OTUD7A: variants seen among roughly 807,000 people sequenced by gnomAD.
OTUD7A encodes the protein OTU domain-containing protein 7A.
Under a neutral mutation model 65.7 loss-of-function variants are expected in OTUD7A, and 12 were observed. The ratio of observed to expected loss-of-function variants is 0.18; its 90% CI spans 0.12 to 0.30. The LOEUF is 0.30. Among genes scored for constraint, OTUD7A ranks in the 10% least tolerant of loss-of-function variants. The pLI, the probability that OTUD7A is intolerant of heterozygous loss-of-function variation, is 1.00. For synonymous variants in OTUD7A, 641 were observed against 586.3 expected (o/e 1.09, Z -1.35); for missense variants, 1,148 against 1,304.8 (o/e 0.88, Z 1.85).
chr15:31,541,663 A>C (rs1342542350), intron 5 of OTUD7A, among the ~76,000 whole-genome samples: 1 of 152,214 alleles, frequency 6.6e-6, no homozygotes, highest in African/African-American at 2.4e-5. Flanking sequence ...ACCGGAAATA[A>C]ATATGGGATG....
chr15:31,802,141 G>GTGTGTGTGTATATA (rs553698632), intron 1 of OTUD7A, among the ~76,000 whole-genome samples: 35 of 142,578 alleles, frequency 2.5e-4, no homozygotes, highest in South Asian at 7.0e-4. Context: ...GTGTGTGTGT[G>GTGTGTGTGTATATA]TATATATATA....
chr15:31,727,347 A>G (rs1480613218), intron 1 of OTUD7A, among the ~76,000 whole-genome samples: 1 of 152,202 alleles, frequency 6.6e-6, no homozygotes, highest in Non-Finnish European at 1.5e-5. Flanking sequence ...CTCCCACAGT[A>G]CCAGCCCAGG....
At chr15:31,668,578 C>T (rs1892392356) in intron 1 of OTUD7A, among the ~76,000 whole-genome samples, 1 of 152,154 alleles carries the variant, frequency 6.6e-6, no homozygotes, top group Non-Finnish European at 1.5e-5. Flanking sequence ...GATTTCCTCA[C>T]ATTGGGCTTT....
At chr15:31,518,365 C>T (rs1324158659) in intron 8 of OTUD7A, among the ~76,000 whole-genome samples, 3 of 151,788 alleles carry the variant, frequency 2.0e-5, no homozygotes, top group Admixed American at 6.6e-5. Context: ...CCCAGCTACT[C>T]GGGAGGCTGA....
In OTUD7A at chr15:31,509,777, TTTTTTATAAC is replaced by T. The variant is rs2041651169; in HGVS notation, c.894-5969_894-5960del. Among the ~76,000 whole-genome samples, 10 of 152,056 alleles carry T rather than the reference TTTTTTATAAC, an allele frequency of 6.6e-5. 1 individual carries two copies. In the South Asian group the frequency reaches 2.1e-3, roughly 32 times the overall value. ...TTACGTAATATTTTTTGCATAAATT[TTTTTTATAAC>T]TTTTTATGACTTTTATAGACAATTT... On this transcript the variant is annotated intron_variant, in intron 8 of 12. Transcript: ENST00000307050.
chr15:31,849,366 C>G (rs1439827803), intron 1 of OTUD7A, among the ~76,000 whole-genome samples: 1 of 152,200 alleles, frequency 6.6e-6, no homozygotes, highest in Non-Finnish European at 1.5e-5. Flanking sequence ...AAAGCTGAAA[C>G]TGGATACCTT....
intron 8 of OTUD7A, among the ~76,000 whole-genome samples, chr15:31,514,545 C>T (rs545542687): frequency 2.0e-5 from 3 of 152,334 alleles, no homozygotes; most frequent in Non-Finnish European, 4.4e-5. Context: ...TCCAATCCAA[C>T]CCCACAAAGT....
chr15:31,673,513 T>A (rs1375167171), intron 1 of OTUD7A, among the ~76,000 whole-genome samples: 7 of 152,230 alleles, frequency 4.6e-5, no homozygotes, highest in Admixed American at 6.5e-5. Flanking sequence ...GACTGACAAT[T>A]CTAAACCCTC....
chr15:31,496,187 T>C (rs1009177819), intron 10 of OTUD7A, among the ~76,000 whole-genome samples: 3 of 152,060 alleles, frequency 2.0e-5, no homozygotes, highest in Non-Finnish European at 4.4e-5. Context: ...TTCAGATAGG[T>C]ACACAAATAG....
At chr15:31,813,617 C>T (rs974333543) in intron 1 of OTUD7A, among the ~76,000 whole-genome samples, 1 of 152,156 alleles carries the variant, frequency 6.6e-6, no homozygotes, top group South Asian at 2.1e-4. Flanking sequence ...CTTCTCAGAG[C>T]CTTTGACATG....
intron 1 of OTUD7A, among the ~76,000 whole-genome samples, chr15:31,802,141 G>GTGTGTGTGTGTATATA (rs553698632): frequency 1.4e-5 from 2 of 142,580 alleles, no homozygotes; most frequent in South Asian, 2.3e-4. Flanking sequence ...GTGTGTGTGT[G>GTGTGTGTGTGTATATA]TATATATATA....
At position 31,483,991 on chromosome 15, in the gene OTUD7A, G is replaced by A; in HGVS notation, c.2105C>T (p.Pro702Leu). 1 of 1,128,428 alleles carries A rather than the reference G, an allele frequency of 8.9e-7. No homozygotes were observed. Among genetic ancestry groups the A allele is most frequent in the Non-Finnish European group, 1.1e-6 (1 of 926,666 alleles). 69.9% of individuals were successfully genotyped at this position (1,128,428 alleles called of 1,614,324 possible). The change falls in exon 13 of 13, where the codon CCG becomes CTG. Residue 702 changes from proline (P) to leucine (L), a missense_variant. Transcript: ENST00000307050. The stretch of plus-strand genomic sequence containing the variant: ...CACGCCCTCCGTCTCCGGTCTGCGC[G>A]GCGGCCGCTTGGCCGTGGCGGCGGC... ...AAAAATAKRP[P>L]RRPETEGVPV...
rs139653796 is a variant in OTUD7A at position 31,567,834 on chromosome 15, G to A, written c.331+2184C>T. On this transcript the variant is annotated intron_variant, in intron 4 of 12. Transcript: ENST00000307050. ...AAAGGTCCCAGATACAGTTCAGGCT[G>A]CTGCTTCAGAGGGTGCAAGCCATAA... Among the ~76,000 whole-genome samples the A allele has an allele frequency of 3.1e-3, 473 of 152,384 alleles. 2 individuals are homozygous for A. Among genetic ancestry groups the A allele is most frequent in the African/African-American group, 0.011 (455 of 41,598 alleles).
chr15:31,628,476 T>C (rs1434089150), intron 3 of OTUD7A, among the ~76,000 whole-genome samples: 1 of 152,224 alleles, frequency 6.6e-6, no homozygotes, highest in African/African-American at 2.4e-5. Context: ...ACCAGTACCA[T>C]GCTGTTTTGG....
intron 8 of OTUD7A, among the ~76,000 whole-genome samples, chr15:31,507,613 C>G (rs2041599059): frequency 7.3e-6 from 1 of 136,370 alleles, no homozygotes; most frequent in Non-Finnish European, 1.6e-5. Context: ...AGGACCCGAG[C>G]AGGTTGCTGC....
rs769530133 is a variant in OTUD7A at position 31,484,382 on chromosome 15, C to T, written c.1714G>A (p.Ala572Thr). 8 of 1,601,076 alleles carry T rather than the reference C, an allele frequency of 5.0e-6. No homozygotes were observed. Among genetic ancestry groups the T allele is most frequent in the South Asian group, 1.1e-5 (1 of 91,056 alleles). ...DSAERGKEKK[A>T]KSRKGSKEES... ...TCCTTGCTGCCCTTGCGCGACTTGG[C>T]CTTCTTCTCCTTGCCCCGCTCGGCC... is the stretch of plus-strand genomic sequence containing the variant. Residue 572 changes from alanine to threonine, a missense_variant, in exon 13 of 13, where the codon GCC becomes ACC. This residue lies in a region of OTUD7A where 842 missense variants were observed against 769.5 expected (regional missense o/e 1.09). Coordinates refer to ENST00000307050, the MANE Select transcript of OTUD7A (RefSeq NM_001382637.1). This position sits in a 1 kb window ranked among gnomAD's most constrained non-coding sequence, Gnocchi z 4.5.
intron 3 of OTUD7A, among the ~76,000 whole-genome samples, chr15:31,621,967 C>G (rs1335434464): frequency 6.6e-6 from 1 of 152,148 alleles, no homozygotes; most frequent in Non-Finnish European, 1.5e-5. Flanking sequence ...CTGGTGGTGG[C>G]AAAATCTCTC....
At chr15:31,746,823 A>G (rs886733088) in intron 1 of OTUD7A, among the ~76,000 whole-genome samples, 2 of 152,206 alleles carry the variant, frequency 1.3e-5, no homozygotes, top group African/African-American at 4.8e-5. Context: ...TTGGCAAAAC[A>G]AATACAGTCT....
At chr15:31,631,448 C>T (rs1053497315) in intron 3 of OTUD7A, among the ~76,000 whole-genome samples, 3 of 152,136 alleles carry the variant, frequency 2.0e-5, no homozygotes, top group Admixed American at 6.5e-5. Flanking sequence ...GAGTTTCTGC[C>T]GTGAGATCAG....
Sources: allele counts gnomAD v4.1 joint callset (sites outside exome capture counted in the v4.1 genomes callset), GRCh38; gene constraint gnomAD v4.1.1; regional missense constraint gnomAD v4.1.1; non-coding constraint Gnocchi (gnomAD v3.1); transcripts MANE v1.5; gene names NCBI Gene and HGNC (gene_info 2026-07-23, HGNC 2026-07-21).